MIB1: variants seen among roughly 807,000 people sequenced by gnomAD.
The protein encoded by MIB1 is E3 ubiquitin-protein ligase MIB1.
MIB1 carries 278 observed loss-of-function variants against 124.5 expected under a neutral mutation model. The observed-to-expected ratio is 2.23, with a 90% CI of 2.02 to 2.47. MIB1 has a LOEUF of 2.47. Ranked by LOEUF, MIB1 falls within the 30% of genes most tolerant of loss-of-function variation. The probability of loss-of-function intolerance (pLI) is 0.00; values close to 1 mark genes in which losing one functional copy is unlikely to be tolerated. For synonymous variants in MIB1, 446 were observed against 429.4 expected (o/e 1.04, Z -0.48); for missense variants, 957 against 1,254.4 (o/e 0.76, Z 3.58).
intron 18 of MIB1, among the ~76,000 whole-genome samples, chr18:21,856,513 G>A (rs1171720231): frequency 3.9e-5 from 6 of 152,064 alleles, no homozygotes; most frequent in African/African-American, 1.4e-4. Flanking sequence ...GTATTTTAGC[G>A]AAAAGCCATT....
intron 6 of MIB1, among the ~76,000 whole-genome samples, chr18:21,781,989 A>T (rs1422987173): frequency 6.6e-6 from 1 of 150,912 alleles, no homozygotes; most frequent in African/African-American, 2.4e-5. Flanking sequence ...TTCTCTTTTT[A>T]TTGTCTCAAT....
At chr18:21,720,962 C>T (rs2040711755) in intron 1 of MIB1, among the ~76,000 whole-genome samples, 1 of 151,756 alleles carries the variant, frequency 6.6e-6, no homozygotes, top group Non-Finnish European at 1.5e-5. Flanking sequence ...AAGCCATTAT[C>T]TTAACAAAAG....
intron 1 of MIB1, among the ~76,000 whole-genome samples, chr18:21,720,901 G>A (rs1373428855): frequency 6.6e-6 from 1 of 152,134 alleles, no homozygotes; most frequent in African/African-American, 2.4e-5. Context: ...GCTGCAGTAA[G>A]CCATGATCAT....
chr18:21,740,161 G>A (rs1181676494), upstream of MIB1, among the ~76,000 whole-genome samples: 1 of 152,190 alleles, frequency 6.6e-6, no homozygotes, highest in Non-Finnish European at 1.5e-5. Flanking sequence ...GCAGCATAAT[G>A]TCATTTGAAT....
intron 18 of MIB1, 55 bp from the exon 19 acceptor site, chr18:21,857,075 A>T (rs2042235504): frequency 1.7e-6 from 2 of 1,170,484 alleles, no homozygotes; most frequent in Non-Finnish European, 1.3e-6. Flanking sequence ...AGAGAAAGGC[A>T]ACACTCCTAT....
chr18:21,712,938 A>G (rs2040672015), intron 1 of MIB1, among the ~76,000 whole-genome samples: 1 of 152,050 alleles, frequency 6.6e-6, no homozygotes, highest in Non-Finnish European at 1.5e-5. Flanking sequence ...TGTATCTATT[A>G]TAGGAATATT....
At chr18:21,853,770 C>G (rs1030216726) in intron 18 of MIB1, among the ~76,000 whole-genome samples, 1 of 152,030 alleles carries the variant, frequency 6.6e-6, no homozygotes, top group Non-Finnish European at 1.5e-5. Context: ...CTCTTGAAGT[C>G]CTTTGCTTTT....
At chr18:21,774,094 A>G (rs1431786528) in intron 4 of MIB1, among the ~76,000 whole-genome samples, 3 of 152,264 alleles carry the variant, frequency 2.0e-5, no homozygotes, top group Non-Finnish European at 4.4e-5. Context: ...GGTAGCTTAT[A>G]TAAAAGTATA....
In MIB1 at chr18:21,843,206, C is replaced by T. The variant is rs1347756388; in HGVS notation, c.2038C>T (p.Gln680Ter). 2 of 1,586,272 alleles carry T rather than the reference C, an allele frequency of 1.3e-6. No homozygotes were observed. The highest frequency in any genetic ancestry group is 1.2e-5 in the South Asian group (1 of 85,014). ...LHLAVERQHTQIVRLLVRAGA... is the reference protein window; with the variant it reads ...LHLAVERQHT ...CCTTGCTGTTGAACGACAGCATACC[C>T]AGATTGTTAGGGTAAAGTATTGACA... Residue 680 changes from glutamine to a stop codon, truncating the protein, a stop_gained, in exon 14 of 21, where the codon CAG (glutamine) becomes TAG (stop). Transcript: ENST00000261537. LOFTEE classifies it high-confidence loss of function.
rs2042345824 is a variant in MIB1, at chr18:21,870,214, T to C, written c.*5548T>C. On this transcript the variant is annotated 3_prime_UTR_variant, in exon 21 of 21. Coordinates refer to ENST00000261537, the MANE Select transcript of MIB1 (RefSeq NM_020774.4). ...TCTTTGGAGAATTATTCTTTTATAG[T>C]AGTATACATGAATTTTGATTTTTAA... is the stretch of plus-strand genomic sequence containing the variant. 6.6e-6 allele frequency: 1 copy of C among 152,556 alleles called. No individual in the cohort carries two copies. The highest frequency in any genetic ancestry group is 2.4e-5 in the African/African-American group (1 of 41,466). 9.5% of individuals were successfully genotyped at this position (152,556 alleles called of 1,614,324 possible).
chr18:21,808,985 G>A (rs1487380386), intron 10 of MIB1, among the ~76,000 whole-genome samples: 2 of 151,922 alleles, frequency 1.3e-5, no homozygotes, highest in African/African-American at 4.8e-5. Flanking sequence ...TAGTAGTAGG[G>A]AACAATACTA....
chr18:21,796,121 G>GT (rs61007826), intron 7 of MIB1, among the ~76,000 whole-genome samples: 39,462 of 151,220 alleles, frequency 0.26, 5,442 homozygotes, highest in South Asian at 0.4. Context: ...GGGGTCGTTT[G>GT]TTTTTTTCTT....
At chr18:21,776,925 C>T (rs900189562) in intron 4 of MIB1, among the ~76,000 whole-genome samples, 8 of 151,276 alleles carry the variant, frequency 5.3e-5, no homozygotes, top group African/African-American at 1.7e-4. Context: ...TGCAGTGAGC[C>T]GAGATCCCGC....
rs904255253 is a variant in MIB1, at chr18:21,787,453, C to T, written c.909-3921C>T. 1.4e-4 allele frequency among the ~76,000 whole-genome samples: 21 copies of T among 152,148 alleles called. 1 individual carries two copies. Among genetic ancestry groups the T allele is most frequent in the Admixed American group, 7.2e-4 (11 of 15,274 alleles). On this transcript the variant is annotated intron_variant, in intron 6 of 20. Transcript: ENST00000261537. Reference sequence around the variant, plus strand: ...ACTGTAGCTACCCTTAGGGATTTTTCTTCCTGCAGGTACTCATAAGGCTTC... The same window carrying T: ...ACTGTAGCTACCCTTAGGGATTTTTTTTCCTGCAGGTACTCATAAGGCTTC...
intron 12 of MIB1, among the ~76,000 whole-genome samples, chr18:21,833,312 A>G (rs1568219637): frequency 3.3e-5 from 5 of 152,190 alleles, no homozygotes; most frequent in Admixed American, 1.3e-4. Context: ...CATTTCTTCC[A>G]TTCAACAAAA....
chr18:21,730,361 G>A (rs1353247140), intron 1 of MIB1, among the ~76,000 whole-genome samples: 2 of 152,322 alleles, frequency 1.3e-5, no homozygotes, highest in African/African-American at 4.8e-5. Flanking sequence ...GAGGTCAGGA[G>A]TTCAAGACCA....
intron 1 of MIB1, among the ~76,000 whole-genome samples, chr18:21,742,385 A>G (rs2040863925): frequency 6.8e-6 from 1 of 146,870 alleles, no homozygotes; most frequent in African/African-American, 2.5e-5. Context: ...GTTCTATTTT[A>G]TATCTTTATA....
chr18:21,779,398 C>CT, intron 5 of MIB1, 83 bp from the exon 6 acceptor site: 5 of 1,090,436 alleles, frequency 4.6e-6, no homozygotes, highest in Non-Finnish European at 7.0e-6. Flanking sequence ...ACTAAAATAT[C>CT]TACATGTTAT....
rs1192180896 is a variant in MIB1, at chr18:21,748,410, TCTCC to T, written c.229+6602_229+6605del. ...TCTCTCCCCCCTCCCTCTCTCCCTC[TCTCC>T]CTCTTTCCCCCCTTCTCCCTTTCTC... On this transcript the variant is annotated intron_variant, in intron 1 of 20. Coordinates refer to ENST00000261537, the MANE Select transcript of MIB1 (RefSeq NM_020774.4). Among the ~76,000 whole-genome samples the T allele has an allele frequency of 6.6e-5, 6 of 90,586 alleles. No homozygotes were observed. The East Asian group carries it at 2.4e-3, about 36-fold the overall frequency. The allele number at this position is 90,586 out of a possible 152,430, so 59.4% of individuals were successfully genotyped here. A position where few individuals can be genotyped will look rare whatever the true frequency, so the allele number is the denominator to read the frequency against.
Sources: allele counts gnomAD v4.1 joint callset (sites outside exome capture counted in the v4.1 genomes callset), GRCh38; gene constraint gnomAD v4.1.1; transcripts MANE v1.5; gene names NCBI Gene and HGNC (gene_info 2026-07-23, HGNC 2026-07-21).